GPC5: variants seen among roughly 807,000 people sequenced by gnomAD.
GPC5 encodes glypican 5, also known as glypican-5.
GPC5 carries 47 observed loss-of-function variants against 53.9 expected under a neutral mutation model. The observed-to-expected ratio is 0.87, with a 90% confidence interval of 0.69 to 1.11. The LOEUF is 1.11. GPC5 is among the 50% of genes most tolerant of loss of function. The pLI, the probability that GPC5 is intolerant of heterozygous loss-of-function variation, is 0.00. For synonymous variants in GPC5, 286 were observed against 263.3 expected (o/e 1.09, Z -0.84); for missense variants, 748 against 713.1 (o/e 1.05, Z -0.56).
intron 7 of GPC5, among the ~76,000 whole-genome samples, chr13:92,216,196 A>T (rs914806665): frequency 6.6e-6 from 1 of 152,220 alleles, no homozygotes; most frequent in African/African-American, 2.4e-5. Flanking sequence ...CTTCCTTTCC[A>T]GGAACTTACA....
At chr13:92,232,390 C>T (rs1047703606) in intron 7 of GPC5, among the ~76,000 whole-genome samples, 1 of 152,090 alleles carries the variant, frequency 6.6e-6, no homozygotes, top group Non-Finnish European at 1.5e-5. Flanking sequence ...ATATTACAAG[C>T]GTATTTTCTT....
At chr13:92,545,129 C>T (rs12017973) in intron 7 of GPC5, among the ~76,000 whole-genome samples, 5,150 of 151,880 alleles carry the variant, frequency 0.034, 242 homozygotes, top group African/African-American at 0.1. Context: ...TCCATGTGTT[C>T]TCATTGTTCA....
chr13:92,584,906 C>G (rs1400262097), intron 7 of GPC5, among the ~76,000 whole-genome samples: 1 of 152,068 alleles, frequency 6.6e-6, no homozygotes, highest in Non-Finnish European at 1.5e-5. Flanking sequence ...CACATGGTGT[C>G]GAGCCTGCAG....
intron 6 of GPC5, among the ~76,000 whole-genome samples, chr13:91,963,003 T>C (rs1359384804): frequency 6.6e-6 from 1 of 152,204 alleles, no homozygotes; most frequent in Non-Finnish European, 1.5e-5. Context: ...GGTGGAAGTA[T>C]AGAATAGTGA....
chr13:92,313,960 T>A (rs2139214001), intron 7 of GPC5, among the ~76,000 whole-genome samples: 1 of 152,300 alleles, frequency 6.6e-6, no homozygotes, highest in African/African-American at 2.4e-5. Flanking sequence ...CTCGCCTGTC[T>A]AGCCTGTCTT....
chr13:92,120,828 C>G (rs1445050333), intron 6 of GPC5, among the ~76,000 whole-genome samples: 1 of 152,170 alleles, frequency 6.6e-6, no homozygotes, highest in Non-Finnish European at 1.5e-5. Flanking sequence ...CTCTATGCAG[C>G]TCTGCCTCCA....
At chr13:91,705,495 C>T (rs896677248) in intron 3 of GPC5, among the ~76,000 whole-genome samples, 6 of 152,268 alleles carry the variant, frequency 3.9e-5, no homozygotes, top group Admixed American at 3.9e-4. Flanking sequence ...TGACATTTGT[C>T]TGTACAGTGG....
At chr13:92,622,390 C>G (rs558899514) in intron 7 of GPC5, among the ~76,000 whole-genome samples, 69 of 152,228 alleles carry the variant, frequency 4.5e-4, no homozygotes, top group Non-Finnish European at 8.5e-4. Flanking sequence ...TTTGTTTTCC[C>G]TCAACCTTTC....
intron 2 of GPC5, among the ~76,000 whole-genome samples, chr13:91,668,095 A>C (rs1311842939): frequency 6.6e-6 from 1 of 152,224 alleles, no homozygotes; most frequent in East Asian, 1.9e-4. Flanking sequence ...AATATTAGAT[A>C]AGAACAAATA....
intron 6 of GPC5, among the ~76,000 whole-genome samples, chr13:91,931,143 C>T (rs2039818023): frequency 1.3e-5 from 2 of 151,940 alleles, no homozygotes; most frequent in Non-Finnish European, 2.9e-5. Flanking sequence ...TTCCATCATT[C>T]TTTCTGTTAA....
intron 7 of GPC5, among the ~76,000 whole-genome samples, chr13:92,190,446 G>A (rs9523529): frequency 0.55 from 84,013 of 151,904 alleles, 23,549 homozygotes; most frequent in Middle Eastern, 0.7. Context: ...ATTTTTCTTC[G>A]TTGCAGTAAT....
At chr13:91,596,878 A>T in intron 2 of GPC5, among the ~76,000 whole-genome samples, 1 of 152,230 alleles carries the variant, frequency 6.6e-6, no homozygotes, top group African/African-American at 2.4e-5. Context: ...GTAGCCTTAC[A>T]TGAATAGACT....
At chr13:92,659,873 C>T (rs940725190) in intron 7 of GPC5, among the ~76,000 whole-genome samples, 9 of 152,194 alleles carry the variant, frequency 5.9e-5, no homozygotes, top group East Asian at 1.9e-4. Context: ...AGAATGGGAA[C>T]GAGCATGTGC....
intron 6 of GPC5, among the ~76,000 whole-genome samples, chr13:92,006,945 T>TACA (rs1163439646): frequency 2.8e-5 from 4 of 141,128 alleles, no homozygotes; most frequent in Admixed American, 7.1e-5. Flanking sequence ...GTTGTGGATG[T>TACA]TATGAATTCT....
intron 6 of GPC5, among the ~76,000 whole-genome samples, chr13:91,948,257 T>TA (rs1555299142): frequency 6.7e-6 from 1 of 149,692 alleles, no homozygotes; most frequent in East Asian, 1.9e-4. Flanking sequence ...ATAATAATAA[T>TA]AATAAATAAA....
chr13:92,030,242 A>G (rs2040830401), intron 6 of GPC5, among the ~76,000 whole-genome samples: 1 of 152,164 alleles, frequency 6.6e-6, no homozygotes, highest in East Asian at 1.9e-4. Context: ...GACCAGAGAA[A>G]AATGAAGCCC....
rs529551925 is a variant in GPC5, at chr13:92,446,803, G to A, written c.1561+301814G>A. 3.9e-5 allele frequency: 6 copies of A among 152,202 alleles called. No individual in the cohort carries two copies. In the South Asian group the frequency reaches 1.2e-3, roughly 32 times the overall value. The allele number at this position is 152,202 out of a possible 1,614,324, so 9.4% of individuals were successfully genotyped here. A position where few individuals can be genotyped will look rare whatever the true frequency, so the allele number is the denominator to read the frequency against. On this transcript the variant is annotated intron_variant, in intron 7 of 7. Coordinates refer to ENST00000377067, the MANE Select transcript of GPC5 (RefSeq NM_004466.6). ...TCCTTGCCAGCATTTGTTATCGTCTGTCTTTTGGATACAAGCCATTTTAAC... is the reference window on the plus strand; with the variant it reads ...TCCTTGCCAGCATTTGTTATCGTCTATCTTTTGGATACAAGCCATTTTAAC...
rs534809481 is a variant in GPC5, at chr13:92,000,335, A to G, written c.1401+92278A>G. Among the ~76,000 whole-genome samples, 42 of 152,220 alleles carry G rather than the reference A, an allele frequency of 2.8e-4. No individual in the cohort carries two copies. The East Asian group carries it at 7.9e-3, about 29-fold the overall frequency. ...CAAAAGATATGGTTACTATCCTTGT[A>G]TTTTTGAGACTCAACTATTCTTCAG... On this transcript the variant is annotated intron_variant, in intron 6 of 7. Coordinates refer to ENST00000377067, the MANE Select transcript of GPC5 (RefSeq NM_004466.6).
At chr13:92,446,315 T>C (rs1205443126) in intron 7 of GPC5, among the ~76,000 whole-genome samples, 1 of 151,706 alleles carries the variant, frequency 6.6e-6, no homozygotes, top group Non-Finnish European at 1.5e-5. Flanking sequence ...ATTGTTTTAA[T>C]TTTTAGCTCC....
Sources: gnomAD v4.1 joint callset for allele counts (sites outside exome capture counted in the v4.1 genomes callset) on GRCh38, gnomAD v4.1.1 for gene constraint, MANE v1.5 for transcripts, NCBI Gene and HGNC (gene_info 2026-07-23, HGNC 2026-07-21) for gene names.